SYT7: variants seen among roughly 807,000 people sequenced by gnomAD.
SYT7 encodes synaptotagmin 7, also known as synaptotagmin-7.
In SYT7, 29 loss-of-function variants were observed where a neutral mutation model predicts 75.1. The observed-to-expected ratio is 0.39, with a 90% CI of 0.29 to 0.53. The LOEUF is 0.53. Ranked by LOEUF, SYT7 falls within the 20% of genes least tolerant of loss-of-function variation. SYT7 has a pLI of 0.77. For missense variants in SYT7, 693 were observed against 953.2 expected (o/e 0.73, Z 3.59); for synonymous variants, 376 against 401.7 (o/e 0.94, Z 0.76).
In SYT7 at chr11:61,538,335, AGGAGAGAGAG is replaced by A. The variant is rs1427804940; in HGVS notation, c.942-79_942-70del. On this transcript the variant is annotated intron_variant, in intron 6 of 12. Coordinates refer to ENST00000539008, the MANE Select transcript of SYT7 (RefSeq NM_001365809.2). The stretch of plus-strand genomic sequence containing the variant: ...GCCCCGTGGGCGGGGGCAGGGGGGA[AGGAGAGAGAG>A]GGAGAGAGAGAGAGAGAGAGAGAGA... The A allele has an allele frequency of 3.2e-5, 13 of 411,230 alleles. No homozygotes were observed. The African/African-American group carries it at 4.3e-4, about 14-fold the overall frequency. 25.5% of individuals were successfully genotyped at this position (411,230 alleles called of 1,614,324 possible).
chr11:61,523,807 C>G lies in SYT7; in HGVS notation c.1756+20G>C. 1 of 1,611,238 alleles carries G rather than the reference C, an allele frequency of 6.2e-7. No homozygotes were observed. The highest frequency in any genetic ancestry group is 8.5e-7 in the Non-Finnish European group (1 of 1,177,500). On this transcript the variant is annotated intron_variant, in intron 11 of 12. Coordinates refer to ENST00000539008, the MANE Select transcript of SYT7 (RefSeq NM_001365809.2). This position sits in a 1 kb window ranked among gnomAD's most constrained non-coding sequence, Gnocchi z 5.0. ...AGCACCTCCCCGGCCCGCCCATCCT[C>G]TGCTGGAGAAGCCCCGTACCTGATG...
chr11:61,528,926 A>G (rs1310104452), intron 8 of SYT7, among the ~76,000 whole-genome samples: 1 of 152,096 alleles, frequency 6.6e-6, no homozygotes, highest in African/African-American at 2.4e-5. Context: ...GCATGGCCTG[A>G]CCCAGCAACA....
rs367922422 is a variant in SYT7 at position 61,517,651 on chromosome 11, G to T, written c.*976C>A. ...ATGAGGTGTGGGAAGCTGGCGGGGG[G>T]TCTTTTGATGAAGGAGTTAGGGCAA... On this transcript the variant is annotated 3_prime_UTR_variant, in exon 13 of 13. Transcript: ENST00000539008. 7.5e-6 allele frequency: 3 copies of T among 398,918 alleles called. No individual in the cohort carries two copies. Among genetic ancestry groups the T allele is most frequent in the Non-Finnish European group, 1.3e-5 (3 of 226,354 alleles). The allele number at this position is 398,918 out of a possible 1,614,324, so 24.7% of individuals were successfully genotyped here.
intron 1 of SYT7, among the ~76,000 whole-genome samples, chr11:61,559,363 G>A (rs554555482): frequency 1.3e-5 from 2 of 152,308 alleles, no homozygotes; most frequent in East Asian, 1.9e-4. Context: ...GGCACATGGC[G>A]TGAGGAGCCG....
chr11:61,570,150 A>C (rs1210079608), intron 1 of SYT7, among the ~76,000 whole-genome samples: 1 of 152,232 alleles, frequency 6.6e-6, no homozygotes, highest in African/African-American at 2.4e-5. Context: ...TCCAAGGTCA[A>C]GTGAGTGATG....
intron 7 of SYT7, among the ~76,000 whole-genome samples, chr11:61,535,500 T>A (rs1478584117): frequency 1.3e-5 from 2 of 151,324 alleles, no homozygotes; most frequent in Non-Finnish European, 3.0e-5. Context: ...TGGCTGAGGG[T>A]GGAATGGGCG....
At position 61,553,720 on chromosome 11, in the gene SYT7, C is replaced by G. The variant is rs1187632160; in HGVS notation, c.136-2257G>C. 1.3e-5 allele frequency among the ~76,000 whole-genome samples: 2 copies of G among 152,214 alleles called. No homozygotes were observed. Among genetic ancestry groups the G allele is most frequent in the Non-Finnish European group, 2.9e-5 (2 of 68,038 alleles). ...CTCCAAAGCAGCCCAACACCACCAG[C>G]CTGCTTCTCAGGGAGGGGTGGCCAG... On this transcript the variant is annotated intron_variant, in intron 2 of 12. Transcript: ENST00000539008. This position sits in a 1 kb window ranked among gnomAD's most constrained non-coding sequence, Gnocchi z 5.2.
At chr11:61,521,623 G>C (rs1448727001) in intron 12 of SYT7, among the ~76,000 whole-genome samples, 1 of 152,156 alleles carries the variant, frequency 6.6e-6, no homozygotes, top group Non-Finnish European at 1.5e-5. Context: ...ACCCCAGCAG[G>C]TGAGTTCTCC....
At chr11:61,544,466 C>T (rs2063129612) in intron 5 of SYT7, among the ~76,000 whole-genome samples, 1 of 152,150 alleles carries the variant, frequency 6.6e-6, no homozygotes, top group South Asian at 2.1e-4. Context: ...GGGGTGGCAG[C>T]CTTGCCTAAC....
At chr11:61,562,897 A>G (rs2063674629) in intron 1 of SYT7, among the ~76,000 whole-genome samples, 1 of 152,160 alleles carries the variant, frequency 6.6e-6, no homozygotes, top group African/African-American at 2.4e-5. Context: ...AGAATCAAAC[A>G]GGGCTGCTGG....
chr11:61,545,265 C>G (rs1218278943), intron 5 of SYT7, among the ~76,000 whole-genome samples: 1 of 152,190 alleles, frequency 6.6e-6, no homozygotes, highest in Non-Finnish European at 1.5e-5. Flanking sequence ...ACAGCTATTA[C>G]AGAGGGGACG....
chr11:61,514,725 C>T lies in SYT7; in HGVS notation c.*3902G>A, dbSNP rs555617081. Among the ~76,000 whole-genome samples, 7 of 152,208 alleles carry T rather than the reference C, an allele frequency of 4.6e-5. No homozygotes were observed. Among genetic ancestry groups the T allele is most frequent in the Non-Finnish European group, 1.0e-4 (7 of 68,026 alleles). On this transcript the variant is annotated 3_prime_UTR_variant, in exon 13 of 13. Coordinates refer to ENST00000539008, the MANE Select transcript of SYT7 (RefSeq NM_001365809.2). Reference sequence around the variant, plus strand: ...GAAGGGATTACAACCCAGCTTCCCACACCTCAGGCTGGAACCTGTTCTATT... The same window carrying T: ...GAAGGGATTACAACCCAGCTTCCCATACCTCAGGCTGGAACCTGTTCTATT...
chr11:61,530,318 C>G (rs1391117498), intron 8 of SYT7, among the ~76,000 whole-genome samples: 1 of 152,218 alleles, frequency 6.6e-6, no homozygotes, highest in Admixed American at 6.5e-5. Flanking sequence ...TCCCTCCAGC[C>G]CCCACCCCTT....
At position 61,553,120 on chromosome 11, in the gene SYT7, C is replaced by T. The variant is rs1434925594; in HGVS notation, c.136-1657G>A. ...TTTAAGAGTTGAAATATAGAGATGC[C>T]GGACACCCTGGGTTCACAAAAGCTG... On this transcript the variant is annotated intron_variant, in intron 2 of 12. Coordinates refer to ENST00000539008, the MANE Select transcript of SYT7 (RefSeq NM_001365809.2). The surrounding 1 kb of genome is among the most constrained non-coding windows in gnomAD (Gnocchi z 5.2). 1.3e-5 allele frequency among the ~76,000 whole-genome samples: 2 copies of T among 152,116 alleles called. No individual in the cohort carries two copies. The highest frequency in any genetic ancestry group is 4.8e-5 in the African/African-American group (2 of 41,422).
At chr11:61,537,742 C>T (rs753050495) in intron 7 of SYT7, among the ~76,000 whole-genome samples, 4 of 151,644 alleles carry the variant, frequency 2.6e-5, no homozygotes, top group East Asian at 1.9e-4. Context: ...AACGGGCTGG[C>T]GCCCCTTCCC....
rs564607140 is a variant in SYT7 at position 61,553,336 on chromosome 11, G to C, written c.136-1873C>G. 1.9e-3 allele frequency among the ~76,000 whole-genome samples: 296 copies of C among 152,292 alleles called. 1 individual carries two copies. Among genetic ancestry groups the C allele is most frequent in the African/African-American group, 6.9e-3 (287 of 41,572 alleles). On this transcript the variant is annotated intron_variant, in intron 2 of 12. Transcript: ENST00000539008. The surrounding 1 kb of genome is among the most constrained non-coding windows in gnomAD (Gnocchi z 5.2). ...ACACAGGCAGTGTGGGTCAAGAGTG[G>C]GGCTGCTGAGGGCATCCCATGCCAC...
chr11:61,551,251 T>TAG lies in SYT7; in HGVS notation c.215+131_215+132dup. 2.4e-6 allele frequency: 2 copies of TAG among 850,132 alleles called. No individual in the cohort carries two copies. The highest frequency in any genetic ancestry group is 3.7e-6 in the Non-Finnish European group (2 of 533,434). 52.7% of individuals were successfully genotyped at this position (850,132 alleles called of 1,614,324 possible). ...AGTTTTTGGGGGTGTGTGGAGGGTGTAGAGAGCATGGCATCGGGGTGTGGG... is the reference window on the plus strand; with the variant it reads ...AGTTTTTGGGGGTGTGTGGAGGGTGTAGAGAGAGCATGGCATCGGGGTGTGGG... On this transcript the variant is annotated intron_variant, in intron 3 of 12. Transcript: ENST00000539008. This position sits in a 1 kb window ranked among gnomAD's most constrained non-coding sequence, Gnocchi z 5.3.
upstream of SYT7, among the ~76,000 whole-genome samples, chr11:61,581,933 C>A (rs2064284657): frequency 6.6e-6 from 1 of 152,150 alleles, no homozygotes; most frequent in Admixed American, 6.5e-5. Flanking sequence ...GGTGAACACT[C>A]ATTTCTCTAC....
intron 8 of SYT7, among the ~76,000 whole-genome samples, chr11:61,529,490 G>C (rs941115661): frequency 6.6e-6 from 1 of 152,176 alleles, no homozygotes; most frequent in Non-Finnish European, 1.5e-5. Context: ...CAAGGCTGAC[G>C]GCAGTAGGAA....
Sources: allele counts gnomAD v4.1 joint callset (sites outside exome capture counted in the v4.1 genomes callset), GRCh38; gene constraint gnomAD v4.1.1; non-coding constraint Gnocchi (gnomAD v3.1); transcripts MANE v1.5; gene names NCBI Gene and HGNC (gene_info 2026-07-23, HGNC 2026-07-21).